Variants in CDH12 observed in about 807,000 individuals in gnomAD.
CDH12 encodes the protein cadherin-12.
Under a neutral mutation model 74.1 loss-of-function variants are expected in CDH12, and 41 were observed. The observed-to-expected ratio is 0.55, with a 90% confidence interval of 0.43 to 0.72. The LOEUF is 0.72. CDH12 is among the 30% of genes least tolerant of loss of function. The pLI is 0.00. For missense variants in CDH12, 945 were observed against 977.2 expected, an observed-to-expected ratio of 0.97 and a Z score of 0.44; for synonymous variants, 399 against 355.0, an observed-to-expected ratio of 1.12 and a Z score of -1.39.
chr5:22,059,302 CT>C (rs1740999811), intron 5 of CDH12, among the ~76,000 whole-genome samples: 2 of 151,088 alleles, frequency 1.3e-5, no homozygotes, highest in East Asian at 1.9e-4. Context: ...TATCATCTAT[CT>C]ATCTATCATC....
chr5:22,851,204 C>T (rs542596008), intron 1 of CDH12, among the ~76,000 whole-genome samples: 2 of 152,094 alleles, frequency 1.3e-5, no homozygotes, highest in African/African-American at 4.8e-5. Flanking sequence ...CCCTCCCCCT[C>T]CCCCCAACAA....
At chr5:21,803,260 CTTTT>C (rs943148346) in intron 9 of CDH12, among the ~76,000 whole-genome samples, 6 of 151,826 alleles carry the variant, frequency 4.0e-5, no homozygotes, top group South Asian at 2.1e-4. Flanking sequence ...ATGTCTAGAT[CTTTT>C]TTTATTTTTT....
At chr5:22,822,669 A>G in intron 1 of CDH12, among the ~76,000 whole-genome samples, 1 of 152,246 alleles carries the variant, frequency 6.6e-6, no homozygotes, top group Non-Finnish European at 1.5e-5. Context: ...AATGTAAATC[A>G]AAACCACAAT....
At chr5:22,672,049 TA>T (rs1424501367) in intron 1 of CDH12, among the ~76,000 whole-genome samples, 5 of 141,858 alleles carry the variant, frequency 3.5e-5, no homozygotes, top group South Asian at 2.1e-4. Context: ...ATATATATAA[TA>T]AATATATATA....
intron 3 of CDH12, among the ~76,000 whole-genome samples, chr5:22,340,389 T>C (rs1469582133): frequency 6.6e-6 from 1 of 151,852 alleles, no homozygotes; most frequent in African/African-American, 2.4e-5. Context: ...TAGCCAGACG[T>C]GGTGGCGGGT....
At chr5:22,799,009 TG>T (rs979080043) in intron 1 of CDH12, among the ~76,000 whole-genome samples, 3 of 151,944 alleles carry the variant, frequency 2.0e-5, no homozygotes, top group Admixed American at 2.0e-4. Flanking sequence ...TTCAGGTACT[TG>T]GGAGGCTGAA....
chr5:22,169,102 G>T (rs1748866444), intron 4 of CDH12, among the ~76,000 whole-genome samples: 1 of 151,544 alleles, frequency 6.6e-6, no homozygotes, highest in African/African-American at 2.4e-5. Context: ...TCCTGTCTAT[G>T]TCTGTCTTCC....
chr5:22,197,307 G>A (rs1297463454), intron 4 of CDH12, among the ~76,000 whole-genome samples: 1 of 152,082 alleles, frequency 6.6e-6, no homozygotes, highest in Non-Finnish European at 1.5e-5. Context: ...AATTAGCTGG[G>A]CGTGGTGGCA....
chr5:22,696,490 A>G (rs1332071247), intron 1 of CDH12, among the ~76,000 whole-genome samples: 2 of 152,084 alleles, frequency 1.3e-5, no homozygotes, highest in Non-Finnish European at 2.9e-5. Context: ...TAAGGAATGG[A>G]TATTAAATTC....
intron 8 of CDH12, among the ~76,000 whole-genome samples, chr5:21,831,067 C>A (rs973601549): frequency 1.3e-5 from 2 of 149,922 alleles, no homozygotes; most frequent in Non-Finnish European, 3.0e-5. Context: ...CAAAAACAAA[C>A]AAAAAAAAAC....
intron 3 of CDH12, among the ~76,000 whole-genome samples, chr5:22,318,480 C>T (rs1738723310): frequency 6.6e-6 from 1 of 152,112 alleles, no homozygotes; most frequent in Non-Finnish European, 1.5e-5. Flanking sequence ...GCTCCTTTTC[C>T]CTATATGAGT....
chr5:22,668,609 T>G (rs1740741589), intron 1 of CDH12, among the ~76,000 whole-genome samples: 1 of 152,176 alleles, frequency 6.6e-6, no homozygotes, highest in Non-Finnish European at 1.5e-5. Flanking sequence ...TTTGGATCTC[T>G]CTTCCTCTTC....
chr5:21,936,206 C>T (rs1755068245), intron 6 of CDH12, among the ~76,000 whole-genome samples: 1 of 152,164 alleles, frequency 6.6e-6, no homozygotes, highest in East Asian at 1.9e-4. Flanking sequence ...TACATTCCCA[C>T]TGACAGTGTA....
chr5:22,622,735 C>CAG (rs1738042516), intron 1 of CDH12, among the ~76,000 whole-genome samples: 2 of 152,236 alleles, frequency 1.3e-5, no homozygotes, highest in South Asian at 4.1e-4. Context: ...TGAATTCTAC[C>CAG]AGAGGTACAA....
At chr5:22,630,458 C>T (rs550070315) in intron 1 of CDH12, among the ~76,000 whole-genome samples, 3 of 152,080 alleles carry the variant, frequency 2.0e-5, no homozygotes, top group East Asian at 3.9e-4. Context: ...TATAGACCCA[C>T]GGAACTGAAT....
chr5:22,585,896 T>A (rs540509789), intron 1 of CDH12, among the ~76,000 whole-genome samples: 4 of 152,188 alleles, frequency 2.6e-5, no homozygotes, highest in Non-Finnish European at 5.9e-5. Context: ...TTGGTGGGAC[T>A]GTTAACTAGT....
At chr5:22,107,105 G>A (rs1403554461) in intron 4 of CDH12, among the ~76,000 whole-genome samples, 1 of 151,388 alleles carries the variant, frequency 6.6e-6, no homozygotes, top group Admixed American at 6.6e-5. Flanking sequence ...AATTAGCCTT[G>A]GGACAATGCC....
At chr5:22,800,923 T>C (rs763876207) in intron 1 of CDH12, among the ~76,000 whole-genome samples, 16 of 152,280 alleles carry the variant, frequency 1.1e-4, no homozygotes, top group Admixed American at 2.0e-4. Flanking sequence ...GATTGTACTA[T>C]AGTTTATTTA....
chr5:22,067,517 A>G (rs1741646696), intron 5 of CDH12, among the ~76,000 whole-genome samples: 2 of 152,150 alleles, frequency 1.3e-5, no homozygotes, highest in African/African-American at 4.8e-5. Context: ...GGGGGACAGA[A>G]TGAAAAGAAG....
Sources: gnomAD v4.1 joint callset for allele counts (sites outside exome capture counted in the v4.1 genomes callset) on GRCh38, gnomAD v4.1.1 for gene constraint, MANE v1.5 for transcripts, NCBI Gene and HGNC (gene_info 2026-07-23, HGNC 2026-07-21) for gene names.